Variants in NRP1 observed in about 807,000 individuals in gnomAD.
The protein encoded by NRP1 is neuropilin-1.
Under a neutral mutation model 106.7 loss-of-function variants are expected in NRP1, and 35 were observed. The ratio of observed to expected loss-of-function variants is 0.33; its 90% confidence interval spans 0.25 to 0.43. The LOEUF (loss-of-function observed/expected upper bound fraction) is 0.43. Among genes scored for constraint, NRP1 ranks in the 20% least tolerant of loss-of-function variants. The probability of loss-of-function intolerance (pLI) is 1.00; values close to 1 mark genes in which losing one functional copy is unlikely to be tolerated. For synonymous variants in NRP1, 437 were observed against 417.9 expected, an observed-to-expected ratio of 1.05 and a Z score of -0.56; for missense variants, 1,024 against 1,170.4, an observed-to-expected ratio of 0.87 and a Z score of 1.83.
At chr10:33,245,250 G>A (rs1841331644) in intron 6 of NRP1, among the ~76,000 whole-genome samples, 1 of 152,174 alleles carries the variant, frequency 6.6e-6, no homozygotes, top group African/African-American at 2.4e-5. Context: ...TTTCAAGTGG[G>A]GGTGATTGTT....
rs1838514124 is a variant in NRP1 at position 33,213,659 on chromosome 10, G to T, written c.1341C>A (p.Ile447=). Residue 447 remains isoleucine (I), a synonymous_variant, in exon 9 of 17, where the codon ATC becomes ATA. Coordinates refer to ENST00000374867, the MANE Select transcript of NRP1 (RefSeq NM_003873.7). ...MVSGLISDSQ[I]TSSNQGDRNW... is the part of the protein sequence containing the mutation. The stretch of plus-strand genomic sequence containing the variant: ...TTCTGTCCCCTTGGTTGGATGATGT[G>T]ATCTGGGAGTCAGAAATAAGTCCAG... 1 of 1,613,610 alleles carries T rather than the reference G, an allele frequency of 6.2e-7. No individual in the cohort carries two copies. Among genetic ancestry groups the T allele is most frequent in the Non-Finnish European group, 8.5e-7 (1 of 1,179,880 alleles).
intron 11 of NRP1, among the ~76,000 whole-genome samples, chr10:33,198,526 C>T (rs1042283334): frequency 3.3e-5 from 5 of 152,008 alleles, no homozygotes; most frequent in Non-Finnish European, 5.9e-5. Flanking sequence ...CTTCACTCCA[C>T]GGGCACTCAC....
intron 6 of NRP1, among the ~76,000 whole-genome samples, chr10:33,230,597 ATGTG>A (rs10558085): frequency 0.23 from 33,956 of 144,500 alleles, 4,709 homozygotes; most frequent in African/African-American, 0.41. Context: ...TTTCTCATAT[ATGTG>A]TGTGTGTGTG....
intron 6 of NRP1, among the ~76,000 whole-genome samples, chr10:33,229,780 C>T (rs557561724): frequency 5.3e-5 from 8 of 152,136 alleles, no homozygotes; most frequent in African/African-American, 1.7e-4. Flanking sequence ...GATACAAAGG[C>T]ACCCAAAGCA....
At chr10:33,319,583 TCTTTC>T (rs1418589909) in intron 2 of NRP1, among the ~76,000 whole-genome samples, 1 of 138,732 alleles carries the variant, frequency 7.2e-6, no homozygotes, top group Non-Finnish European at 1.5e-5. Context: ...TTTCTTTCTT[TCTTTC>T]TTTTTTTTTT....
At chr10:33,206,472 A>G (rs1837793471) in intron 10 of NRP1, 1 of 346,666 alleles carries the variant, frequency 2.9e-6, no homozygotes, top group Non-Finnish European at 5.8e-6. Context: ...TGAATTATTC[A>G]GGGGTATGGT....
In NRP1 at chr10:33,213,404, G is replaced by T. The variant is rs778706384; in HGVS notation, c.1596C>A (p.Asp532Glu). Residue 532 changes from aspartate to glutamate, a missense_variant, in exon 9 of 17, where the codon GAC (aspartate) becomes GAA (glutamate). Coordinates refer to ENST00000374867, the MANE Select transcript of NRP1 (RefSeq NM_003873.7). ...NGSDWKMIMD[D>E]SKRKAKSFEG... is the part of the protein sequence containing the mutation. ...CCCTCACCTTCGCCTTGCGTTTGCTGTCATCCATGATCATCTTCCAGTCCG... is the reference window on the plus strand; with the variant it reads ...CCCTCACCTTCGCCTTGCGTTTGCTTTCATCCATGATCATCTTCCAGTCCG... 10 of 1,613,908 alleles carry T rather than the reference G, an allele frequency of 6.2e-6. No homozygotes were observed. In the South Asian group the frequency reaches 1.1e-4, roughly 18 times the overall value.
chr10:33,276,981 T>C (rs1405278547), intron 2 of NRP1, among the ~76,000 whole-genome samples: 5 of 152,048 alleles, frequency 3.3e-5, no homozygotes, highest in Admixed American at 6.5e-5. Flanking sequence ...TGGCTTGTGC[T>C]GTAGTCCCAG....
chr10:33,194,621 A>G (rs917462905), intron 12 of NRP1: 5 of 449,774 alleles, frequency 1.1e-5, no homozygotes, highest in African/African-American at 2.0e-5. Context: ...TAACCAGGTG[A>G]ACCGCTCTAA....
chr10:33,195,131 C>A (rs554353449), intron 12 of NRP1, among the ~76,000 whole-genome samples: 1 of 152,278 alleles, frequency 6.6e-6, no homozygotes, highest in East Asian at 1.9e-4. Context: ...ATCATTAGCA[C>A]CATATGTATG....
At chr10:33,328,258 C>T (rs74481906) in intron 2 of NRP1, among the ~76,000 whole-genome samples, 3 of 152,186 alleles carry the variant, frequency 2.0e-5, no homozygotes, top group African/African-American at 4.8e-5. Flanking sequence ...CCACCTGACA[C>T]CATGATATGA....
chr10:33,322,659 A>G (rs1162547839), intron 2 of NRP1, among the ~76,000 whole-genome samples: 1 of 152,202 alleles, frequency 6.6e-6, no homozygotes, highest in African/African-American at 2.4e-5. Flanking sequence ...CTGGGATTAC[A>G]GACCTGAGCC....
intron 8 of NRP1, among the ~76,000 whole-genome samples, chr10:33,217,294 A>C (rs1051918835): frequency 3.9e-5 from 6 of 151,996 alleles, no homozygotes; most frequent in African/African-American, 1.2e-4. Context: ...GTATTCATAG[A>C]CTTAGTGATG....
At chr10:33,277,283 G>A (rs1045021749) in intron 2 of NRP1, among the ~76,000 whole-genome samples, 8 of 152,234 alleles carry the variant, frequency 5.3e-5, no homozygotes, top group African/African-American at 1.9e-4. Flanking sequence ...GAGTCCCACT[G>A]AATGGGCTTC....
chr10:33,309,447 C>T (rs1173698906), intron 2 of NRP1, among the ~76,000 whole-genome samples: 1 of 152,188 alleles, frequency 6.6e-6, no homozygotes, highest in African/African-American at 2.4e-5. Flanking sequence ...CGCGGTGTCT[C>T]TTCATATGCA....
intron 11 of NRP1, chr10:33,201,429 T>C (rs1327642313): frequency 6.6e-6 from 1 of 152,190 alleles, no homozygotes; most frequent in Non-Finnish European, 1.5e-5. Context: ...ATTCCTTTTT[T>C]ATGAGAAATT....
intron 15 of NRP1, among the ~76,000 whole-genome samples, chr10:33,184,881 C>T (rs1835903936): frequency 6.6e-6 from 1 of 152,166 alleles, no homozygotes. Flanking sequence ...AGGCTTATCC[C>T]ATTTTGTTAT....
intron 6 of NRP1, among the ~76,000 whole-genome samples, chr10:33,235,058 C>G (rs987469155): frequency 6.6e-6 from 1 of 152,194 alleles, no homozygotes; most frequent in Non-Finnish European, 1.5e-5. Flanking sequence ...TGGGCTCTGT[C>G]ACATCTGGAT....
At chr10:33,299,604 C>T (rs556704742) in intron 2 of NRP1, among the ~76,000 whole-genome samples, 1 of 152,220 alleles carries the variant, frequency 6.6e-6, no homozygotes, top group South Asian at 2.1e-4. Flanking sequence ...CATAGTGAGA[C>T]CCCAGTCTCT....
Sources: gnomAD v4.1 joint callset for allele counts (sites outside exome capture counted in the v4.1 genomes callset) on GRCh38, gnomAD v4.1.1 for gene constraint, MANE v1.5 for transcripts, NCBI Gene and HGNC (gene_info 2026-07-23, HGNC 2026-07-21) for gene names.